The following MB21D2 variants were observed in gnomAD, a reference collection of about 807,000 sequenced individuals.
MB21D2 encodes nucleotidyltransferase MB21D2.
Under a neutral mutation model 33.3 loss-of-function variants are expected in MB21D2, and 9 were observed. The ratio of observed to expected loss-of-function variants is 0.27; its 90% CI spans 0.16 to 0.47. The LOEUF (loss-of-function observed/expected upper bound fraction) is 0.47. Ranked by LOEUF, MB21D2 falls within the 20% of genes least tolerant of loss-of-function variation. The probability of loss-of-function intolerance (pLI) is 0.99; values close to 1 mark genes in which losing one functional copy is unlikely to be tolerated. For missense variants in MB21D2, 540 were observed against 624.6 expected, an observed-to-expected ratio of 0.86 and a Z score of 1.44; for synonymous variants, 241 against 236.3, an observed-to-expected ratio of 1.02 and a Z score of -0.18.
intron 1 of MB21D2, among the ~76,000 whole-genome samples, chr3:192,910,298 CAAAAAA>C (rs747554734): frequency 0.11 from 5,761 of 52,254 alleles, 284 homozygotes; most frequent in African/African-American, 0.23. Flanking sequence ...ACCATCTCTA[CAAAAAA>C]AAAAAAAAAA....
rs1712232815 is a variant in MB21D2, at chr3:192,828,593, TATATA to T, written c.212-28948_212-28944del. Among the ~76,000 whole-genome samples the T allele has an allele frequency of 2.2e-4, 3 of 13,702 alleles. 1 individual carries two copies. The highest frequency in any genetic ancestry group is 3.1e-4 in the Non-Finnish European group (1 of 3,186). The allele number at this position is 13,702 out of a possible 152,430, so 9.0% of individuals were successfully genotyped here. On this transcript the variant is annotated intron_variant, in intron 1 of 1. Transcript: ENST00000392452. ...TATACAATAAAACTCACCCCCCCCA[TATATA>T]TATATATATATATATATATATATAT...
intron 1 of MB21D2, among the ~76,000 whole-genome samples, chr3:192,823,511 C>T (rs7613816): frequency 0.075 from 11,381 of 151,970 alleles, 1,442 homozygotes; most frequent in African/African-American, 0.26. Flanking sequence ...AAAAATTAGC[C>T]GGGTGTGGTG....
At chr3:192,871,285 C>T (rs759405372) in intron 1 of MB21D2, among the ~76,000 whole-genome samples, 17 of 152,168 alleles carry the variant, frequency 1.1e-4, no homozygotes, top group Non-Finnish European at 2.1e-4. Flanking sequence ...AGGAAGGATA[C>T]TACCTTATGA....
At chr3:192,903,970 C>T (rs1316528517) in intron 1 of MB21D2, among the ~76,000 whole-genome samples, 1 of 152,198 alleles carries the variant, frequency 6.6e-6, no homozygotes, top group Non-Finnish European at 1.5e-5. Flanking sequence ...ATACCACCTG[C>T]AGAACTGTGA....
intron 1 of MB21D2, among the ~76,000 whole-genome samples, chr3:192,843,437 T>C (rs1198876422): frequency 6.6e-6 from 1 of 152,082 alleles, no homozygotes; most frequent in Non-Finnish European, 1.5e-5. Flanking sequence ...CATCACAGCG[T>C]AGAGGCCAGT....
In MB21D2 at chr3:192,798,632, G is replaced by A; in HGVS notation, c.1230C>T (p.His410=). ...LSSVRSDPAE[H]LRTAIEHVKA... is the part of the protein sequence containing the mutation. Reference sequence around the variant, plus strand: ...TGACATGCTCAATGGCGGTGCGCAAGTGCTCTGCCGGGTCTGAGCGCACAG... The same window carrying A: ...TGACATGCTCAATGGCGGTGCGCAAATGCTCTGCCGGGTCTGAGCGCACAG... Residue 410 remains histidine, a synonymous_variant, in exon 2 of 2, where the codon CAC becomes CAT. Transcript: ENST00000392452. The surrounding 1 kb of genome is among the most constrained non-coding windows in gnomAD (Gnocchi z 4.8). 1 of 1,613,874 alleles carries A rather than the reference G, an allele frequency of 6.2e-7. No individual in the cohort carries two copies. Among genetic ancestry groups the A allele is most frequent in the Non-Finnish European group, 8.5e-7 (1 of 1,180,042 alleles).
intron 1 of MB21D2, among the ~76,000 whole-genome samples, chr3:192,883,620 T>C (rs909883436): frequency 6.6e-6 from 1 of 152,104 alleles, no homozygotes; most frequent in South Asian, 2.1e-4. Context: ...AGAAGGTATC[T>C]GGAAACATGA....
chr3:192,877,082 G>A (rs4619740), intron 1 of MB21D2, among the ~76,000 whole-genome samples: 95,573 of 152,036 alleles, frequency 0.63, 32,459 homozygotes, highest in African/African-American at 0.89. Context: ...AGAAAGGAAC[G>A]GAAGAAAAAC....
chr3:192,900,563 C>T (rs993046609), intron 1 of MB21D2, among the ~76,000 whole-genome samples: 4 of 149,718 alleles, frequency 2.7e-5, no homozygotes, highest in Non-Finnish European at 4.5e-5. Context: ...TGTAAAGCTT[C>T]TTTTTTTTTT....
intron 1 of MB21D2, among the ~76,000 whole-genome samples, chr3:192,861,276 C>T (rs1337479006): frequency 1.3e-5 from 2 of 152,194 alleles, no homozygotes; most frequent in East Asian, 3.9e-4. Context: ...GTGACCATCT[C>T]TGCATTCATT....
intron 1 of MB21D2, among the ~76,000 whole-genome samples, chr3:192,846,081 T>C (rs577428278): frequency 7.9e-5 from 12 of 152,056 alleles, no homozygotes; most frequent in Non-Finnish European, 1.2e-4. Flanking sequence ...CAAAACTATA[T>C]ATATGAAATA....
Position 192,799,549 on chromosome 3 carries a change from G to A in MB21D2, c.313C>T (p.Leu105Phe), listed in dbSNP as rs147668431. ...TCAGTACCCCGGGCATAGACATTAA[G>A]CTCATCTAAGTCCAGGTCCACCACG... ...EGVVDLDLDE[L>F]NVYARGTDYD... Residue 105 changes from leucine to phenylalanine, a missense_variant, in exon 2 of 2, where the codon CTT becomes TTT. Coordinates refer to ENST00000392452, the MANE Select transcript of MB21D2 (RefSeq NM_178496.4). This position sits in a 1 kb window ranked among gnomAD's most constrained non-coding sequence, Gnocchi z 4.1. 3.1e-6 allele frequency: 5 copies of A among 1,614,066 alleles called. No homozygotes were observed. Among genetic ancestry groups the A allele is most frequent in the South Asian group, 1.1e-5 (1 of 91,084 alleles).
At chr3:192,866,930 T>C (rs1454893786) in intron 1 of MB21D2, among the ~76,000 whole-genome samples, 1 of 152,098 alleles carries the variant, frequency 6.6e-6, no homozygotes, top group Non-Finnish European at 1.5e-5. Context: ...AGGAAAAGAA[T>C]GTAAATTTTC....
At chr3:192,827,198 CTGT>C (rs1712194942) in intron 1 of MB21D2, among the ~76,000 whole-genome samples, 3 of 151,858 alleles carry the variant, frequency 2.0e-5, no homozygotes, top group African/African-American at 7.3e-5. Flanking sequence ...GCCCGGCACC[CTGT>C]CTTTCTTAAA....
At chr3:192,828,591 CATATATATATATATATATATATATAT>C (rs58394740) in intron 1 of MB21D2, among the ~76,000 whole-genome samples, 48 of 54,124 alleles carry the variant, frequency 8.9e-4, no homozygotes, top group Admixed American at 1.9e-3. Context: ...TCACCCCCCC[CATATATATATATATATATATATATAT>C]ATATATATAT....
rs747045811 is a variant in MB21D2, at chr3:192,828,048, G to A, written c.212-28398C>T. Among the ~76,000 whole-genome samples, 18 of 152,062 alleles carry A rather than the reference G, an allele frequency of 1.2e-4. 1 individual carries two copies. The highest frequency in any genetic ancestry group is 2.2e-4 in the African/African-American group (9 of 41,422). On this transcript the variant is annotated intron_variant, in intron 1 of 1. Coordinates refer to ENST00000392452, the MANE Select transcript of MB21D2 (RefSeq NM_178496.4). Reference sequence around the variant, plus strand: ...CTTGGCTCTCATTCTCTTGTCTGCCGCCATATAAGACATATCTTTTGCCTT... The same window carrying A: ...CTTGGCTCTCATTCTCTTGTCTGCCACCATATAAGACATATCTTTTGCCTT...
At position 192,835,725 on chromosome 3, in the gene MB21D2, T is replaced by C. The variant is rs142218703; in HGVS notation, c.212-36075A>G. 7.4e-3 allele frequency among the ~76,000 whole-genome samples: 1,132 copies of C among 152,240 alleles called. 12 individuals are homozygous for C. Among genetic ancestry groups the C allele is most frequent in the African/African-American group, 0.026 (1,096 of 41,528 alleles). Reference sequence around the variant, plus strand: ...ATCACTTCTACTATTGTCTCTGTTCTACCTTTGCTTAAATATAACAAAACT... The same window carrying C: ...ATCACTTCTACTATTGTCTCTGTTCCACCTTTGCTTAAATATAACAAAACT... On this transcript the variant is annotated intron_variant, in intron 1 of 1. Transcript: ENST00000392452.
chr3:192,859,296 GATAC>G (rs1311187110), intron 1 of MB21D2, among the ~76,000 whole-genome samples: 3 of 152,138 alleles, frequency 2.0e-5, no homozygotes, highest in Non-Finnish European at 4.4e-5. Flanking sequence ...TACACACACA[GATAC>G]ATGCATACTC....
chr3:192,847,184 T>C lies in MB21D2; in HGVS notation c.212-47534A>G, dbSNP rs966584483. Among the ~76,000 whole-genome samples, 4 of 152,172 alleles carry C rather than the reference T, an allele frequency of 2.6e-5. 1 individual carries two copies. The highest frequency in any genetic ancestry group is 4.1e-4 in the South Asian group (2 of 4,834). ...TATTTGTCAAACAAGATTCAGATGA[T>C]TGGGTCTCAGAGACCCAACATTACT... On this transcript the variant is annotated intron_variant, in intron 1 of 1. Transcript: ENST00000392452.
Sources: allele counts gnomAD v4.1 joint callset (sites outside exome capture counted in the v4.1 genomes callset), GRCh38; gene constraint gnomAD v4.1.1; non-coding constraint Gnocchi (gnomAD v3.1); transcripts MANE v1.5; gene names NCBI Gene and HGNC (gene_info 2026-07-23, HGNC 2026-07-21).